The following FAM83H variants were observed in gnomAD, a reference collection of about 807,000 sequenced individuals.
The protein encoded by FAM83H is protein FAM83H.
A neutral mutation model predicts 30.2 loss-of-function variants in FAM83H; 24 were observed. The ratio of observed to expected loss-of-function variants is 0.79; its 90% confidence interval spans 0.57 to 1.12. The LOEUF is 1.12. Ranked by LOEUF, FAM83H falls within the 50% of genes most tolerant of loss-of-function variation. The pLI is 0.00. For missense variants in FAM83H, 2,038 were observed against 1,773.9 expected, an observed-to-expected ratio of 1.15 and a Z score of -2.67; for synonymous variants, 1,013 against 821.7, an observed-to-expected ratio of 1.23 and a Z score of -3.98.
Position 143,733,478 on chromosome 8 carries a change from G to C in FAM83H, c.-16+213C>G, listed in dbSNP as rs969574895. Among the ~76,000 whole-genome samples the C allele has an allele frequency of 5.9e-5, 9 of 152,028 alleles. No individual in the cohort carries two copies. The highest frequency in any genetic ancestry group is 2.2e-4 in the African/African-American group (9 of 41,424). On this transcript the variant is annotated intron_variant, in intron 1 of 4. Transcript: ENST00000388913. This position sits in a 1 kb window ranked among gnomAD's most constrained non-coding sequence, Gnocchi z 5.6. ...GGGCCGGCGTCGTGCGGGGGCGCTC[G>C]CGTCCATATCCGCACAGCGGCGCCC... is the stretch of plus-strand genomic sequence containing the variant.
At chr8:143,732,849 C>T (rs1554624842) in intron 1 of FAM83H, among the ~76,000 whole-genome samples, 1 of 151,736 alleles carries the variant, frequency 6.6e-6, no homozygotes, top group East Asian at 1.9e-4. Flanking sequence ...AATGACTCAG[C>T]ACGAATCCAC....
rs928586092 is a variant in FAM83H at position 143,726,174 on chromosome 8, G to A, written c.3287C>T (p.Ser1096Leu). ...CCGGCCCTGGGTCCCCAAGCTGTCC[G>A]AGCGGAAGATGGCTGAACACTTGTC... ...DKDKCSAIFR[S>L]DSLGTQGRLS... The change falls in exon 5 of 5, where the codon TCG becomes TTG. Residue 1096 changes from serine (S) to leucine (L), a missense_variant. Coordinates refer to ENST00000388913, the MANE Select transcript of FAM83H (RefSeq NM_198488.5). 3.1e-6 allele frequency: 5 copies of A among 1,612,090 alleles called. No homozygotes were observed. The highest frequency in any genetic ancestry group is 2.7e-5 in the African/African-American group (2 of 74,918).
In FAM83H at chr8:143,727,243, TCTC is replaced by T. The variant is rs1412505707; in HGVS notation, c.2215_2217del (p.Glu739del). 6.0e-5 allele frequency: 92 copies of T among 1,534,766 alleles called. No individual in the cohort carries two copies. Among genetic ancestry groups the T allele is most frequent in the Non-Finnish European group, 7.6e-5 (87 of 1,146,276 alleles). ...GGATCACGGGCTGGGCCCTTGTACTTCTCCAGCAGCTCCGCCACCTTGGTGGAA... is the reference window on the plus strand; with the variant it reads ...GGATCACGGGCTGGGCCCTTGTACTTCAGCAGCTCCGCCACCTTGGTGGAA... On this transcript the variant is annotated inframe_deletion, in exon 5 of 5. Transcript: ENST00000388913.
chr8:143,727,303 C>T lies in FAM83H; in HGVS notation c.2158G>A (p.Gly720Arg), dbSNP rs116421041. 3,009 of 1,541,598 alleles carry T rather than the reference C, an allele frequency of 2.0e-3. 56 individuals are homozygous for T. The African/African-American group carries it at 0.036, about 19-fold the overall frequency. Residue 720 changes from glycine to arginine, a missense_variant, in exon 5 of 5, where the codon GGG becomes AGG. By Grantham distance (125) the Gly-to-Arg change is moderately radical (BLOSUM62 -2). Transcript: ENST00000388913. ...HKEQTVSETL[G>R]PGGEAVRSAA... is the part of the protein sequence containing the mutation. The stretch of plus-strand genomic sequence containing the variant: ...GAGCGCACGGCCTCTCCGCCGGGCC[C>T]CAGCGTCTCGCTGACCGTCTGCTCC...
chr8:143,728,302 C>T lies in FAM83H; in HGVS notation c.1159G>A (p.Ala387Thr), dbSNP rs1296207956. Residue 387 changes from alanine to threonine, a missense_variant, in exon 5 of 5, where the codon GCT becomes ACT. By Grantham distance (58) the Ala-to-Thr change is moderately conservative. Transcript: ENST00000388913. ...CCCCGCGCGCCCGCGAGCTCCCCAGCCGGCCCGGCCTCGGCCTCCAGGCGC... is the reference window on the plus strand; with the variant it reads ...CCCCGCGCGCCCGCGAGCTCCCCAGTCGGCCCGGCCTCGGCCTCCAGGCGC... ...SRRLEAEAGP[A>T]GELAGARGFF... 14 of 1,465,934 alleles carry T rather than the reference C, an allele frequency of 9.6e-6. No individual in the cohort carries two copies. Among genetic ancestry groups the T allele is most frequent in the Non-Finnish European group, 1.2e-5 (13 of 1,113,990 alleles). The allele number at this position is 1,465,934 out of a possible 1,614,324, so 90.8% of individuals were successfully genotyped here.
rs947536093 is a variant in FAM83H at position 143,726,069 on chromosome 8, C to T, written c.3392G>A (p.Arg1131His). ...RRMESMRKEK[R>H]VYSRFEVFCK... ...GAAGACCTCGAAGCGGCTGTACACG[C>T]GCTTCTCCTTGCGCATGCTCTCCAT... is the stretch of plus-strand genomic sequence containing the variant. Residue 1131 changes from arginine (R) to histidine (H), a missense_variant, in exon 5 of 5, where the codon CGC becomes CAC. Physicochemically the swap from Arg to His is conservative, Grantham distance 29. Coordinates refer to ENST00000388913, the MANE Select transcript of FAM83H (RefSeq NM_198488.5). 8.7e-6 allele frequency: 14 copies of T among 1,612,202 alleles called. No homozygotes were observed. The East Asian group carries it at 2.7e-4, about 31-fold the overall frequency.
Position 143,731,221 on chromosome 8 carries a change from G to A in FAM83H, c.-15-624C>T, listed in dbSNP as rs782131305. ...TTTTTTCTTATTTTAAGACATTCAC[G>A]GACCCCTGGCACTGTGCCTACTGGA... On this transcript the variant is annotated intron_variant, in intron 1 of 4. Transcript: ENST00000388913. The A allele has an allele frequency of 3.1e-5, 11 of 350,632 alleles. No individual in the cohort carries two copies. The Admixed American group carries it at 3.9e-4, about 12-fold the overall frequency. 21.7% of individuals were successfully genotyped at this position (350,632 alleles called of 1,614,324 possible).
At position 143,726,419 on chromosome 8, in the gene FAM83H, T is replaced by C; in HGVS notation, c.3042A>G (p.Thr1014=). 2 of 1,604,144 alleles carry C rather than the reference T, an allele frequency of 1.2e-6. No individual in the cohort carries two copies. The highest frequency in any genetic ancestry group is 8.5e-7 in the Non-Finnish European group (1 of 1,177,544). Residue 1014 remains threonine (T), a synonymous_variant, in exon 5 of 5, where the codon ACA becomes ACG. Coordinates refer to ENST00000388913, the MANE Select transcript of FAM83H (RefSeq NM_198488.5). ...GGCGCGCCCGCGGACCCCGCTCTTC[T>C]GTGGCAGCCTCCGTGCTGTCACCCT... The part of the protein sequence containing the change: ...LGQGDSTEAA[T]EERGPRARLS...
At position 143,726,626 on chromosome 8, in the gene FAM83H, G is replaced by A. The variant is rs1554621952; in HGVS notation, c.2835C>T (p.Ser945=). 10 of 1,598,602 alleles carry A rather than the reference G, an allele frequency of 6.3e-6. No homozygotes were observed. The highest frequency in any genetic ancestry group is 3.4e-5 in the Admixed American group (2 of 59,620). Residue 945 remains serine, a synonymous_variant, in exon 5 of 5, where the codon TCC becomes TCT. Coordinates refer to ENST00000388913, the MANE Select transcript of FAM83H (RefSeq NM_198488.5). ...GSLTLTISGE[S]PKAGPAEEGP... is the part of the protein sequence containing the mutation. The stretch of plus-strand genomic sequence containing the variant: ...CCTCCTCCGCGGGCCCGGCCTTCGG[G>A]GACTCCCCGGAGATGGTAAGGGTGA...
Position 143,724,774 on chromosome 8 carries a change from A to AG in FAM83H, c.*1146dup. On this transcript the variant is annotated 3_prime_UTR_variant, in exon 5 of 5. Transcript: ENST00000388913. ...CGCCTGGCTTGGGCCGGGCCTGTGC[A>AG]GGGGGTGCTCATGAGGCCGGGGCCA... The AG allele has an allele frequency of 6.5e-6, 1 of 152,698 alleles. No homozygotes were observed. Among genetic ancestry groups the AG allele is most frequent in the South Asian group, 2.1e-4 (1 of 4,838 alleles). 9.5% of individuals were successfully genotyped at this position (152,698 alleles called of 1,614,324 possible).
chr8:143,731,673 G>A (rs1554624518), intron 1 of FAM83H: 2 of 985,324 alleles, frequency 2.0e-6, no homozygotes, highest in South Asian at 4.7e-5. Flanking sequence ...GGCCCTGCAG[G>A]GCCTGCACTC....
chr8:143,726,096 C>A lies in FAM83H; in HGVS notation c.3365G>T (p.Arg1122Leu). 1 of 1,611,106 alleles carries A rather than the reference C, an allele frequency of 6.2e-7. No homozygotes were observed. The highest frequency in any genetic ancestry group is 8.5e-7 in the Non-Finnish European group (1 of 1,179,316). ...CTTCTCCTTGCGCATGCTCTCCATGCGGCGCAGCAGCCGATCGCGCTCCTC... is the reference window on the plus strand; with the variant it reads ...CTTCTCCTTGCGCATGCTCTCCATGAGGCGCAGCAGCCGATCGCGCTCCTC... ...SAEERDRLLR[R>L]MESMRKEKRV... is the part of the protein sequence containing the mutation. Residue 1122 changes from arginine to leucine, a missense_variant, in exon 5 of 5, where the codon CGC (arginine) becomes CTC (leucine). Transcript: ENST00000388913.
rs1052183644 is a variant in FAM83H at position 143,733,405 on chromosome 8, G to A, written c.-16+286C>T. On this transcript the variant is annotated intron_variant, in intron 1 of 4. Coordinates refer to ENST00000388913, the MANE Select transcript of FAM83H (RefSeq NM_198488.5). This position sits in a 1 kb window ranked among gnomAD's most constrained non-coding sequence, Gnocchi z 5.6. ...AGGGCGGGAGCGAGTCGGGACGGCC[G>A]GGCAGGCTCGACCCGGATCCCGGGC... Among the ~76,000 whole-genome samples the A allele has an allele frequency of 6.6e-5, 10 of 152,160 alleles. No individual in the cohort carries two copies. Among genetic ancestry groups the A allele is most frequent in the Admixed American group, 6.5e-4 (10 of 15,284 alleles).
Position 143,729,343 on chromosome 8 carries a change from C to T in FAM83H, c.448-20G>A, listed in dbSNP as rs1014193561. On this transcript the variant is annotated intron_variant, in intron 2 of 4. Coordinates refer to ENST00000388913, the MANE Select transcript of FAM83H (RefSeq NM_198488.5). ...CACCACCTGCAGGGGCGGGTCAGGA[C>T]GGAGAGGAGAGGCCCCTGCTGTCCC... The T allele has an allele frequency of 8.1e-6, 13 of 1,612,158 alleles. No individual in the cohort carries two copies. Among genetic ancestry groups the T allele is most frequent in the Non-Finnish European group, 1.1e-5 (13 of 1,179,896 alleles).
In FAM83H at chr8:143,730,584, T is replaced by C. The variant is rs1554624255; in HGVS notation, c.-2A>G. 2 of 1,543,450 alleles carry C rather than the reference T, an allele frequency of 1.3e-6. No homozygotes were observed. Among genetic ancestry groups the C allele is most frequent in the East Asian group, 2.3e-5 (1 of 44,280 alleles). ...GGAGCTCTGAGAGCGACGGGCCATG[T>C]TGGGGCCAGGGGCCTGGAGGGGCAG... On this transcript the variant is annotated 5_prime_UTR_variant, in exon 2 of 5. Transcript: ENST00000388913.
chr8:143,728,399 GA>G lies in FAM83H; in HGVS notation c.1061del (p.Phe354SerfsTer191). 1 of 1,547,262 alleles carries G rather than the reference GA, an allele frequency of 6.5e-7. No homozygotes were observed. The highest frequency in any genetic ancestry group is 8.7e-7 in the Non-Finnish European group (1 of 1,145,056). ...LDPDRHFLSA[F>X]RREEPPRMPG... ...GCATCCGCGGCGGCTCCTCCCGGCG[GA>G]AGGCCGACAGGAAGTGGCGGTCCGG... On this transcript the variant is annotated frameshift_variant, in exon 5 of 5. Coordinates refer to ENST00000388913, the MANE Select transcript of FAM83H (RefSeq NM_198488.5). LOFTEE classifies it low-confidence loss of function (END_TRUNC).
intron 2 of FAM83H, among the ~76,000 whole-genome samples, chr8:143,729,646 C>A (rs1318266498): frequency 6.6e-6 from 1 of 152,216 alleles, no homozygotes; most frequent in Non-Finnish European, 1.5e-5. Flanking sequence ...GCCCCCATTC[C>A]AGGGCAGCTG....
intron 1 of FAM83H, chr8:143,731,316 G>A: frequency 1.0e-6 from 1 of 985,170 alleles, no homozygotes; most frequent in Non-Finnish European, 1.2e-6. Flanking sequence ...GTAGGTCACT[G>A]CACCTCTCTG....
At position 143,726,774 on chromosome 8, in the gene FAM83H, C is replaced by A; in HGVS notation, c.2687G>T (p.Gly896Val). 2 of 1,611,776 alleles carry A rather than the reference C, an allele frequency of 1.2e-6. No homozygotes were observed. Among genetic ancestry groups the A allele is most frequent in the Non-Finnish European group, 1.7e-6 (2 of 1,179,376 alleles). ...GGGGCTCCCCTTCTGCTCGATAAAT[C>A]CTGTAGTTGGACTTCCTCTTCGAGT... ...FSTRRGSPTTGFIEQKGSPTS... is the reference protein window; with the variant it reads ...FSTRRGSPTTVFIEQKGSPTS... Residue 896 changes from glycine to valine, a missense_variant, in exon 5 of 5, where the codon GGA (glycine) becomes GTA (valine). Transcript: ENST00000388913.
Sources: gnomAD v4.1 joint callset for allele counts (sites outside exome capture counted in the v4.1 genomes callset) on GRCh38, gnomAD v4.1.1 for gene constraint, Gnocchi (gnomAD v3.1) non-coding constraint, MANE v1.5 for transcripts, NCBI Gene and HGNC (gene_info 2026-07-23, HGNC 2026-07-21) for gene names.